The following PDE4D variants were observed in gnomAD, a reference collection of about 807,000 sequenced individuals.
PDE4D encodes the protein phosphodiesterase 4D.
A neutral mutation model predicts 87.4 loss-of-function variants in PDE4D; 24 were observed. The observed-to-expected ratio is 0.27, with a 90% CI of 0.20 to 0.39. PDE4D has a LOEUF of 0.39. Ranked by LOEUF, PDE4D falls within the 10% of genes least tolerant of loss-of-function variation. The pLI is 1.00. For missense variants in PDE4D, 714 were observed against 1,041.0 expected, an observed-to-expected ratio of 0.69 and a Z score of 4.32; for synonymous variants, 384 against 383.2, an observed-to-expected ratio of 1.00 and a Z score of -0.02.
chr5:60,119,028 T>C (rs1426713011), intron 2 of PDE4D, among the ~76,000 whole-genome samples: 1 of 152,168 alleles, frequency 6.6e-6, no homozygotes, highest in Non-Finnish European at 1.5e-5. Flanking sequence ...TGATTCTTCC[T>C]GAAACATGGT....
intron 2 of PDE4D, among the ~76,000 whole-genome samples, chr5:60,068,534 C>T (rs1166635124): frequency 6.6e-6 from 1 of 151,540 alleles, no homozygotes; most frequent in Non-Finnish European, 1.5e-5. Flanking sequence ...TGCAAATATT[C>T]CCCCCATTCT....
At chr5:60,139,046 G>C (rs1780297412) in intron 2 of PDE4D, among the ~76,000 whole-genome samples, 1 of 151,928 alleles carries the variant, frequency 6.6e-6, no homozygotes, top group Non-Finnish European at 1.5e-5. Flanking sequence ...GCTCACTCCA[G>C]TACTCACAGT....
At chr5:59,775,901 A>C (rs924666197) in intron 1 of PDE4D, among the ~76,000 whole-genome samples, 4 of 152,154 alleles carry the variant, frequency 2.6e-5, no homozygotes, top group African/African-American at 9.7e-5. Context: ...TTCTCAAATT[A>C]GTATAATATA....
intron 1 of PDE4D, among the ~76,000 whole-genome samples, chr5:60,443,268 C>T (rs527435460): frequency 1.8e-4 from 27 of 149,924 alleles, no homozygotes; most frequent in African/African-American, 6.4e-4. Flanking sequence ...AGATAGTGGT[C>T]ATAGGTCATT....
intron 3 of PDE4D, among the ~76,000 whole-genome samples, chr5:59,926,386 C>T (rs1434981175): frequency 6.6e-6 from 1 of 151,688 alleles, no homozygotes; most frequent in African/African-American, 2.4e-5. Flanking sequence ...CAGTTTATAC[C>T]CTATATCAAA....
chr5:60,417,166 C>A (rs1220962701), intron 1 of PDE4D, among the ~76,000 whole-genome samples: 1 of 152,200 alleles, frequency 6.6e-6, no homozygotes, highest in Admixed American at 6.5e-5. Context: ...CCACATAAAG[C>A]AAGTGTGCCC....
exon 3 of PDE4D, chr5:59,988,488 C>T (rs767959047): frequency 6.3e-7 from 1 of 1,580,426 alleles, no homozygotes. Context: ...GGGCACTCAC[C>T]CACTGGATTC....
intron 1 of PDE4D, among the ~76,000 whole-genome samples, chr5:59,857,104 G>A (rs1036929890): frequency 4.6e-5 from 7 of 152,064 alleles, no homozygotes; most frequent in Admixed American, 6.6e-5. Flanking sequence ...GAAATGCCCC[G>A]CAAGTGTGCA....
chr5:59,930,163 CAAAAAAAAAA>C (rs35465849), intron 3 of PDE4D, among the ~76,000 whole-genome samples: 15 of 82,948 alleles, frequency 1.8e-4, no homozygotes, highest in African/African-American at 7.4e-4. Flanking sequence ...ACTCCGTCTC[CAAAAAAAAAA>C]AAAAAAAAAA....
At chr5:60,351,990 A>G (rs1411136445) in intron 1 of PDE4D, among the ~76,000 whole-genome samples, 2 of 148,542 alleles carry the variant, frequency 1.3e-5, no homozygotes, top group African/African-American at 2.5e-5. Context: ...TTTTCTGTAG[A>G]CATGTGGTCT....
chr5:59,678,366 T>C (rs1561459797), intron 1 of PDE4D, among the ~76,000 whole-genome samples: 1 of 152,162 alleles, frequency 6.6e-6, no homozygotes, highest in Non-Finnish European at 1.5e-5. Context: ...TACTTAAAAA[T>C]GTGTAAAGAA....
chr5:60,158,812 G>A (rs1320741749), intron 2 of PDE4D, among the ~76,000 whole-genome samples: 2 of 152,012 alleles, frequency 1.3e-5, no homozygotes, highest in Non-Finnish European at 2.9e-5. Context: ...CTCGTGATCC[G>A]CCCGCCTCGG....
intron 1 of PDE4D, among the ~76,000 whole-genome samples, chr5:59,743,269 T>A (rs1266388227): frequency 6.6e-6 from 1 of 152,178 alleles, no homozygotes; most frequent in African/African-American, 2.4e-5. Flanking sequence ...TGGAGTCACA[T>A]TTCTAAACAT....
At chr5:59,147,536 T>C (rs1197719981) in intron 5 of PDE4D, among the ~76,000 whole-genome samples, 2 of 152,202 alleles carry the variant, frequency 1.3e-5, no homozygotes, top group African/African-American at 4.8e-5. Context: ...TGTGATTGAA[T>C]TGGCCAAATC....
chr5:59,979,021 G>A (rs997919690), intron 3 of PDE4D, among the ~76,000 whole-genome samples: 1 of 151,954 alleles, frequency 6.6e-6, no homozygotes. Flanking sequence ...AGTTTTATAT[G>A]CACTGGAAAG....
intron 1 of PDE4D, among the ~76,000 whole-genome samples, chr5:59,291,812 C>A (rs1300321561): frequency 1.4e-5 from 2 of 146,888 alleles, no homozygotes; most frequent in Admixed American, 6.9e-5. Context: ...TTTAACCTGA[C>A]CTTGTATATT....
chr5:60,061,668 C>T (rs1339031517), intron 2 of PDE4D, among the ~76,000 whole-genome samples: 1 of 152,126 alleles, frequency 6.6e-6, no homozygotes, highest in African/African-American at 2.4e-5. Context: ...CATCACACTA[C>T]CTGACTTCAA....
chr5:60,051,313 C>T (rs1039274369), intron 2 of PDE4D, among the ~76,000 whole-genome samples: 2 of 151,940 alleles, frequency 1.3e-5, no homozygotes, highest in Non-Finnish European at 2.9e-5. Flanking sequence ...TCAGCAAATG[C>T]AAAAGAACAG....
chr5:59,721,735 C>T (rs1443557718), intron 1 of PDE4D, among the ~76,000 whole-genome samples: 2 of 152,086 alleles, frequency 1.3e-5, no homozygotes, highest in Non-Finnish European at 2.9e-5. Context: ...ATAATTAGGT[C>T]AGAGTCCTGC....
Sources: allele counts gnomAD v4.1 joint callset (sites outside exome capture counted in the v4.1 genomes callset), GRCh38; gene constraint gnomAD v4.1.1; transcripts MANE v1.5; gene names NCBI Gene and HGNC (gene_info 2026-07-23, HGNC 2026-07-21).